The following SPAG16 variants were observed in gnomAD, a reference collection of about 807,000 sequenced individuals.
SPAG16 encodes the protein sperm associated antigen 16.
Under a neutral mutation model 80.4 loss-of-function variants are expected in SPAG16, and 86 were observed. That is an observed-to-expected ratio of 1.07 (90% CI 0.90 to 1.28). The LOEUF (loss-of-function observed/expected upper bound fraction) is 1.28. Among genes scored for constraint, SPAG16 ranks in the 50% most tolerant of loss-of-function variants. The pLI, the probability that SPAG16 is intolerant of heterozygous loss-of-function variation, is 0.00. For missense variants in SPAG16, 870 were observed against 765.3 expected, an observed-to-expected ratio of 1.14 and a Z score of -1.61; for synonymous variants, 294 against 265.9, an observed-to-expected ratio of 1.11 and a Z score of -1.03.
intron 10 of SPAG16, among the ~76,000 whole-genome samples, chr2:213,566,787 G>C (rs1257058050): frequency 6.6e-6 from 1 of 152,128 alleles, no homozygotes; most frequent in Non-Finnish European, 1.5e-5. Context: ...CAGAGCATAA[G>C]ACTTGAAAAT....
At chr2:213,659,957 T>A (rs755506909) in intron 10 of SPAG16, among the ~76,000 whole-genome samples, 3 of 152,154 alleles carry the variant, frequency 2.0e-5, no homozygotes, top group Non-Finnish European at 4.4e-5. Context: ...TGTGAGTCCA[T>A]TGGGATTCTT....
intron 12 of SPAG16, among the ~76,000 whole-genome samples, chr2:213,944,862 C>G (rs933803584): frequency 1.3e-5 from 2 of 152,024 alleles, no homozygotes; most frequent in East Asian, 3.9e-4. Context: ...GGCGAAACCC[C>G]GTGTCTACTA....
chr2:213,657,176 T>C (rs191861610), intron 10 of SPAG16, among the ~76,000 whole-genome samples: 1 of 152,202 alleles, frequency 6.6e-6, no homozygotes, highest in Non-Finnish European at 1.5e-5. Flanking sequence ...GTTTTATTCA[T>C]GTTAAAAACT....
At chr2:214,267,585 G>C (rs1490012968) in intron 15 of SPAG16, among the ~76,000 whole-genome samples, 1 of 151,696 alleles carries the variant, frequency 6.6e-6, no homozygotes, top group East Asian at 1.9e-4. Flanking sequence ...ACATTGACTG[G>C]TCTGGGCAAT....
chr2:214,153,709 G>C (rs1437551280), intron 15 of SPAG16, among the ~76,000 whole-genome samples: 1 of 151,882 alleles, frequency 6.6e-6, no homozygotes, highest in African/African-American at 2.4e-5. Context: ...AAGAAACAAG[G>C]ATCAAAACCT....
chr2:214,120,416 G>A (rs1261279470), intron 14 of SPAG16, among the ~76,000 whole-genome samples: 2 of 151,518 alleles, frequency 1.3e-5, no homozygotes, highest in Non-Finnish European at 3.0e-5. Flanking sequence ...TTTGATTTTA[G>A]GCATATATTA....
intron 10 of SPAG16, among the ~76,000 whole-genome samples, chr2:213,628,472 C>T (rs985026325): frequency 6.6e-6 from 1 of 152,164 alleles, no homozygotes; most frequent in Non-Finnish European, 1.5e-5. Context: ...TTATTCAAAG[C>T]ACCGTACAGT....
intron 10 of SPAG16, among the ~76,000 whole-genome samples, chr2:213,593,526 T>G (rs1163568128): frequency 6.6e-6 from 1 of 152,054 alleles, no homozygotes; most frequent in Non-Finnish European, 1.5e-5. Context: ...ATTTTGAAAT[T>G]CAAATAATGT....
In SPAG16 at chr2:214,273,879, C is replaced by T. The variant is rs567528595; in HGVS notation, c.1720+124613C>T. ...GGGATTGCACTGAATCTGTAAGTTA[C>T]CCTGTGCAGTATGGCCATTTTCACG... On this transcript the variant is annotated intron_variant, in intron 15 of 15. Coordinates refer to ENST00000331683, the MANE Select transcript of SPAG16 (RefSeq NM_024532.5). Among the ~76,000 whole-genome samples, 7 of 152,242 alleles carry T rather than the reference C, an allele frequency of 4.6e-5. No individual in the cohort carries two copies. In the East Asian group the frequency reaches 1.4e-3, roughly 29 times the overall value.
intron 13 of SPAG16, among the ~76,000 whole-genome samples, chr2:214,023,563 A>T (rs1478817672): frequency 6.6e-6 from 1 of 151,892 alleles, no homozygotes; most frequent in Non-Finnish European, 1.5e-5. Flanking sequence ...GCTTTTAGGT[A>T]GAAAAGCATT....
At chr2:213,329,801 C>T (rs771186086) in intron 5 of SPAG16, among the ~76,000 whole-genome samples, 1 of 152,156 alleles carries the variant, frequency 6.6e-6, no homozygotes, top group Non-Finnish European at 1.5e-5. Context: ...ATCACAAGCC[C>T]AGAGGCTTAG....
chr2:213,771,307 T>C (rs1452920745), intron 10 of SPAG16, among the ~76,000 whole-genome samples: 2 of 152,208 alleles, frequency 1.3e-5, no homozygotes, highest in African/African-American at 4.8e-5. Flanking sequence ...TTAATGTTTT[T>C]TTCCTTGTAA....
chr2:214,227,281 A>G (rs941133074), intron 15 of SPAG16, among the ~76,000 whole-genome samples: 4 of 152,122 alleles, frequency 2.6e-5, no homozygotes, highest in African/African-American at 4.8e-5. Flanking sequence ...TGCTGCATCA[A>G]TAATGTCAAA....
At chr2:214,226,832 T>C (rs2058708824) in intron 15 of SPAG16, among the ~76,000 whole-genome samples, 1 of 152,090 alleles carries the variant, frequency 6.6e-6, no homozygotes, top group African/African-American at 2.4e-5. Flanking sequence ...GGCTCTTAAA[T>C]TGTACTTGAT....
rs189468895 is a variant in SPAG16 at position 213,329,345 on chromosome 2, A to G, written c.537-10818A>G. ...GAATGGCGTTGCCCAAAGTGCTGAT[A>G]ATGATATGGACAAAGAAATCCAGGC... On this transcript the variant is annotated intron_variant, in intron 5 of 15. Coordinates refer to ENST00000331683, the MANE Select transcript of SPAG16 (RefSeq NM_024532.5). 2.6e-5 allele frequency among the ~76,000 whole-genome samples: 4 copies of G among 152,300 alleles called. No homozygotes were observed. In the East Asian group the frequency reaches 7.7e-4, roughly 29 times the overall value.
In SPAG16 at chr2:213,814,872, A is replaced by AATATATATATATATAT. The variant is rs34269015; in HGVS notation, c.1071-47610_1071-47595dup. ...TTTTCAAGAGAACATAACAGCCTTA[A>AATATATATATATATAT]ATATATATATATATATATCCATAGC... On this transcript the variant is annotated intron_variant, in intron 10 of 15. Coordinates refer to ENST00000331683, the MANE Select transcript of SPAG16 (RefSeq NM_024532.5). Among the ~76,000 whole-genome samples the AATATATATATATATAT allele has an allele frequency of 5.3e-3, 785 of 148,166 alleles. 7 individuals are homozygous for AATATATATATATATAT. The highest frequency in any genetic ancestry group is 0.018 in the African/African-American group (708 of 40,252).
At chr2:214,170,133 CT>C (rs1442180450) in intron 15 of SPAG16, among the ~76,000 whole-genome samples, 18 of 151,650 alleles carry the variant, frequency 1.2e-4, no homozygotes, top group Non-Finnish European at 7.4e-5. Flanking sequence ...ATTCAAATGA[CT>C]TTTCTGTCAT....
intron 10 of SPAG16, among the ~76,000 whole-genome samples, chr2:213,687,126 T>C (rs1012026302): frequency 3.3e-5 from 5 of 152,194 alleles, no homozygotes; most frequent in African/African-American, 1.2e-4. Context: ...TTTTGGTGGT[T>C]GTTTCTTGCT....
At chr2:213,540,659 TAATACTTTAAAG>T (rs1257970710) in intron 10 of SPAG16, among the ~76,000 whole-genome samples, 1 of 152,300 alleles carries the variant, frequency 6.6e-6, no homozygotes, top group African/African-American at 2.4e-5. Context: ...TTATGAAAAA[TAATACTTTAAAG>T]AATGTTTCAT....
Sources: allele counts gnomAD v4.1 joint callset (sites outside exome capture counted in the v4.1 genomes callset), GRCh38; gene constraint gnomAD v4.1.1; transcripts MANE v1.5; gene names NCBI Gene and HGNC (gene_info 2026-07-23, HGNC 2026-07-21).